Variants in WNK4 observed in about 807,000 individuals in gnomAD.
WNK4 encodes serine/threonine-protein kinase WNK4.
WNK4 carries 94 observed loss-of-function variants against 116.2 expected under a neutral mutation model. That is an observed-to-expected ratio of 0.81 (90% CI 0.68 to 0.96). WNK4 has a LOEUF of 0.96. Ranked by LOEUF, WNK4 falls within the 40% of genes least tolerant of loss-of-function variation. The pLI is 0.00. For synonymous variants in WNK4, 655 were observed against 672.7 expected, an observed-to-expected ratio of 0.97 and a Z score of 0.41; for missense variants, 1,542 against 1,650.6, an observed-to-expected ratio of 0.93 and a Z score of 1.14.
rs1350169847 is a variant in WNK4, at chr17:42,784,498, G to A, written c.1089G>A (p.Met363Ile). The change falls in exon 4 of 19, where the codon ATG becomes ATA. Residue 363 changes from methionine to isoleucine, a missense_variant. Coordinates refer to ENST00000246914, the MANE Select transcript of WNK4 (RefSeq NM_032387.5). The surrounding 1 kb of genome is among the most constrained non-coding windows in gnomAD (Gnocchi z 4.4). ...DEAVDVYAFG[M>I]CMLEMATSEY... ...CCGTGGACGTGTACGCGTTCGGCAT[G>A]TGCATGCTGGAGATGGCCACCTCTG... 1.9e-6 allele frequency: 3 copies of A among 1,614,046 alleles called. No homozygotes were observed. Among genetic ancestry groups the A allele is most frequent in the Non-Finnish European group, 2.5e-6 (3 of 1,180,018 alleles).
chr17:42,787,707 A>G, intron 7 of WNK4, 71 bp from the exon 8 acceptor site: 3 of 1,601,750 alleles, frequency 1.9e-6, no homozygotes, highest in Non-Finnish European at 2.5e-6. Flanking sequence ...CTCCTTGCTT[A>G]GGCAGGCCCC....
chr17:42,787,403 A>G lies in WNK4; in HGVS notation c.1602A>G (p.Pro534=). The G allele has an allele frequency of 6.2e-7, 1 of 1,614,056 alleles. No individual in the cohort carries two copies. The highest frequency in any genetic ancestry group is 8.5e-7 in the Non-Finnish European group (1 of 1,180,010). The change falls in exon 7 of 19, where the codon CCA becomes CCG. Residue 534 remains proline, a synonymous_variant. Transcript: ENST00000246914. ...AAGCAAGGGAATTGGAGGCACTCCC[A>G]CCAGAGCCAGGACCTCCACCAGCAA... ...LRKARELEAL[P]PEPGPPPATV...
rs749223027 is a variant in WNK4, at chr17:42,793,601, G to A, written c.2167G>A (p.Glu723Lys). The change falls in exon 12 of 19, where the codon GAG (glutamate) becomes AAG (lysine). Residue 723 changes from glutamate (E) to lysine (K), a missense_variant. Glu to Lys is a moderately conservative substitution (Grantham distance 56). Around this residue, in one of 7 missense-constraint regions of WNK4, gnomAD observed 808 missense variants for 873.6 expected, o/e 0.92. Transcript: ENST00000246914. ...EEIAAAMVYNEFILPSERDGF... is the reference protein window; with the variant it reads ...EEIAAAMVYNKFILPSERDGF... ...TGTTGACCCTCGCAAGGTATATAAC[G>A]AGTTCATTCTGCCTTCGGAGCGAGA... 3.6e-5 allele frequency: 58 copies of A among 1,613,852 alleles called. No individual in the cohort carries two copies. The highest frequency in any genetic ancestry group is 4.0e-5 in the African/African-American group (3 of 74,902).
At chr17:42,783,709 G>A in intron 2 of WNK4, 2 of 595,400 alleles carry the variant, frequency 3.4e-6, no homozygotes, top group Non-Finnish European at 6.0e-6. Flanking sequence ...CCTTGGCCGA[G>A]GCCCTATCTA....
Position 42,784,212 on chromosome 17 carries a change from A to T in WNK4, c.1012+55A>T. Reference sequence around the variant, plus strand: ...TCCTTCCTCCCCCACCTCAGAAGAGAACCTGGGGACTCCCTCCCCTCAGCA... The same window carrying T: ...TCCTTCCTCCCCCACCTCAGAAGAGTACCTGGGGACTCCCTCCCCTCAGCA... On this transcript the variant is annotated intron_variant, in intron 3 of 18. Transcript: ENST00000246914. The surrounding 1 kb of genome is among the most constrained non-coding windows in gnomAD (Gnocchi z 4.4). 1 of 1,597,876 alleles carries T rather than the reference A, an allele frequency of 6.3e-7. No homozygotes were observed.
chr17:42,796,171 T>G lies in WNK4; in HGVS notation c.3480T>G (p.Ile1160Met), dbSNP rs201060010. Residue 1160 changes from isoleucine (I) to methionine (M), a missense_variant, in exon 17 of 19, where the codon ATT becomes ATG. Coordinates refer to ENST00000246914, the MANE Select transcript of WNK4 (RefSeq NM_032387.5). ...TACAGACACTACAGAAAAAAGAAAT[T>G]GAAGATTTGTACAGCCGGCTGGGGA... ...ETLQTLQKKE[I>M]EDLYSRLGKQ... 1.6e-5 allele frequency: 26 copies of G among 1,613,790 alleles called. No individual in the cohort carries two copies. The highest frequency in any genetic ancestry group is 4.0e-5 in the African/African-American group (3 of 74,902).
rs777411138 is a variant in WNK4 at position 42,785,108 on chromosome 17, G to A, written c.1182G>A (p.Pro394=). 9.3e-6 allele frequency: 15 copies of A among 1,613,216 alleles called. No individual in the cohort carries two copies. In the Admixed American group the frequency reaches 2.2e-4, roughly 23 times the overall value. ...AACCCCTTCCCCAGGGCAGAAAGCC[G>A]AACAGCTTCCACAAGGTGAAGATAC... ...IYRKVTSGRK[P]NSFHKVKIPE... The change falls in exon 5 of 19, where the codon CCG becomes CCA. Residue 394 remains proline (P), a synonymous_variant. Coordinates refer to ENST00000246914, the MANE Select transcript of WNK4 (RefSeq NM_032387.5).
Position 42,795,663 on chromosome 17 carries a change from T to C in WNK4, c.3061T>C (p.Ser1021Pro). ...PQLVGRFQVT[S>P]SKEPAEPLPL... ...GCTTGTTGGGCGTTTCCAAGTGACT[T>C]CATCCAAGGAACCGGCTGAGCCTCT... Residue 1021 changes from serine to proline, a missense_variant, in exon 16 of 19, where the codon TCA becomes CCA. Around this residue, in one of 7 missense-constraint regions of WNK4, gnomAD observed 292 missense variants for 290.1 expected, o/e 1.01. Coordinates refer to ENST00000246914, the MANE Select transcript of WNK4 (RefSeq NM_032387.5). 2 of 1,613,346 alleles carry C rather than the reference T, an allele frequency of 1.2e-6. No individual in the cohort carries two copies. Among genetic ancestry groups the C allele is most frequent in the Non-Finnish European group, 1.7e-6 (2 of 1,180,018 alleles).
At chr17:42,794,367 T>G in intron 12 of WNK4, 1 of 565,810 alleles carries the variant, frequency 1.8e-6, no homozygotes, top group Non-Finnish European at 3.2e-6. Flanking sequence ...AGCGTCATCA[T>G]TGTCTCTTCC....
At chr17:42,788,440 C>A in intron 10 of WNK4, 33 bp downstream of exon 10, 1 of 1,601,642 alleles carries the variant, frequency 6.2e-7, no homozygotes, top group Non-Finnish European at 8.5e-7. Flanking sequence ...AGAGAGTAAC[C>A]TACAGGGCCA....
intron 6 of WNK4, among the ~76,000 whole-genome samples, chr17:42,787,033 A>G (rs752881916): frequency 3.9e-5 from 6 of 152,206 alleles, no homozygotes; most frequent in African/African-American, 7.2e-5. Flanking sequence ...CCACTGACTT[A>G]CTGTATAACT....
rs61755615 is a variant in WNK4, at chr17:42,793,301, C to G, written c.2158-291C>G. ...TGGTGTGATCTTGGCTCCACCGTTT[C>G]CCAGGTTCAAGTGATTCTCCCGTCT... On this transcript the variant is annotated intron_variant, in intron 11 of 18. Transcript: ENST00000246914. 7.8e-3 allele frequency among the ~76,000 whole-genome samples: 1,181 copies of G among 152,170 alleles called. 15 individuals carry two copies. Among genetic ancestry groups the G allele is most frequent in the African/African-American group, 0.027 (1,120 of 41,516 alleles).
intron 12 of WNK4, chr17:42,794,055 C>G (rs1421651903): frequency 5.7e-6 from 2 of 351,148 alleles, no homozygotes; most frequent in East Asian, 1.5e-4. Context: ...AGGGTTTCAC[C>G]GTGTTAGCCA....
chr17:42,796,061 G>C, intron 16 of WNK4, 28 bp downstream of exon 16: 1 of 1,614,022 alleles, frequency 6.2e-7, no homozygotes, highest in Non-Finnish European at 8.5e-7. Flanking sequence ...GGAGGAGTGA[G>C]AGGAGAACCT....
intron 11 of WNK4, among the ~76,000 whole-genome samples, chr17:42,792,816 G>C (rs1420399817): frequency 6.6e-6 from 1 of 152,194 alleles, no homozygotes; most frequent in Non-Finnish European, 1.5e-5. Context: ...ACTTAACCGT[G>C]TGGGATGGGT....
chr17:42,781,138 C>T lies in WNK4; in HGVS notation c.440C>T (p.Ala147Val), dbSNP rs763311211. ...REPLRVPEAV[A>V]LERRREQEEK... ...CCGCTAAGGGTCCCTGAAGCTGTGGCCCTAGAGCGGCGGCGGGAGCAGGAA... is the reference window on the plus strand; with the variant it reads ...CCGCTAAGGGTCCCTGAAGCTGTGGTCCTAGAGCGGCGGCGGGAGCAGGAA... The change falls in exon 1 of 19, where the codon GCC (alanine) becomes GTC (valine). Residue 147 changes from alanine to valine, a missense_variant. Ala to Val is a moderately conservative substitution (Grantham distance 64, BLOSUM62 0). This residue lies in a region of WNK4 where 243 missense variants were observed against 217.8 expected (regional missense o/e 1.12). Transcript: ENST00000246914. The T allele has an allele frequency of 1.9e-6, 3 of 1,614,070 alleles. No individual in the cohort carries two copies.
At chr17:42,789,755 CA>C (rs1157412714) in intron 11 of WNK4, among the ~76,000 whole-genome samples, 3 of 151,850 alleles carry the variant, frequency 2.0e-5, no homozygotes, top group Non-Finnish European at 4.4e-5. Context: ...CCTGTAATCC[CA>C]GCACTTTGGG....
In WNK4 at chr17:42,788,756, G is replaced by GATC; in HGVS notation, c.2117_2119dup (p.Asp706_Leu707insHis). 2 of 1,614,158 alleles carry GATC rather than the reference G, an allele frequency of 1.2e-6. No individual in the cohort carries two copies. Among genetic ancestry groups the GATC allele is most frequent in the Non-Finnish European group, 1.7e-6 (2 of 1,180,030 alleles). On this transcript the variant is annotated inframe_insertion, in exon 11 of 19. Transcript: ENST00000246914. The stretch of plus-strand genomic sequence containing the variant: ...CAGCAAGATGGTGACCTTCCGATTT[G>GATC]ATCTGGATGGGGACAGCCCGGAAGA...
intron 11 of WNK4, among the ~76,000 whole-genome samples, chr17:42,792,937 G>T (rs1321179471): frequency 1.3e-5 from 2 of 152,126 alleles, no homozygotes; most frequent in African/African-American, 4.8e-5. Flanking sequence ...GGTAGATGTG[G>T]GTTTAAATCC....
Sources: allele counts gnomAD v4.1 joint callset (sites outside exome capture counted in the v4.1 genomes callset), GRCh38; gene constraint gnomAD v4.1.1; regional missense constraint gnomAD v4.1.1; non-coding constraint Gnocchi (gnomAD v3.1); transcripts MANE v1.5; gene names NCBI Gene and HGNC (gene_info 2026-07-23, HGNC 2026-07-21).